CCNB3: variants seen among roughly 807,000 people sequenced by gnomAD.
CCNB3 encodes G2/mitotic-specific cyclin-B3.
A neutral mutation model predicts 68.0 loss-of-function variants in CCNB3; 12 were observed. That is an observed-to-expected ratio of 0.18 (90% CI 0.11 to 0.29). The LOEUF is 0.29. CCNB3 is among the 10% of genes least tolerant of loss of function. CCNB3 has a pLI of 1.00. For synonymous variants in CCNB3, 354 were observed against 388.9 expected, an observed-to-expected ratio of 0.91 and a Z score of 1.06; for missense variants, 904 against 993.1, an observed-to-expected ratio of 0.91 and a Z score of 1.21.
At chrX:50,324,466 G>A (rs1395856583) in intron 8 of CCNB3, among the ~76,000 whole-genome samples, 16 of 111,950 alleles carry the variant, frequency 1.4e-4, no homozygotes, top group Admixed American at 1.3e-3. Flanking sequence ...CTCATTGCGT[G>A]ATGTGTTATC....
intron 8 of CCNB3, among the ~76,000 whole-genome samples, chrX:50,336,019 A>G (rs1922833125): frequency 9.0e-6 from 1 of 111,377 alleles, no homozygotes; most frequent in Non-Finnish European, 1.9e-5. Context: ...CAGGGTGGTC[A>G]CTACTGAATG....
At chrX:50,325,456 GA>G (rs1197946996) in intron 8 of CCNB3, among the ~76,000 whole-genome samples, 1 of 112,264 alleles carries the variant, frequency 8.9e-6, no homozygotes, top group Admixed American at 9.4e-5. Context: ...TTATGCAAAT[GA>G]AAAATTCAAA....
At chrX:50,209,082 C>A (rs1935431016) in intron 1 of CCNB3, among the ~76,000 whole-genome samples, 1 of 110,811 alleles carries the variant, frequency 9.0e-6, no homozygotes, top group Non-Finnish European at 1.9e-5. Context: ...AGTGGAATCC[C>A]TTGTTTTATT....
At chrX:50,305,451 A>G (rs1557213392) in intron 5 of CCNB3, among the ~76,000 whole-genome samples, 1 of 111,042 alleles carries the variant, frequency 9.0e-6, no homozygotes, top group East Asian at 2.8e-4. Flanking sequence ...TGGGAATTGA[A>G]CAATGAAAAC....
At chrX:50,322,140 C>G (rs1302779488) in intron 8 of CCNB3, among the ~76,000 whole-genome samples, 1 of 103,137 alleles carries the variant, frequency 9.7e-6, no homozygotes, top group Non-Finnish European at 2.0e-5. Context: ...AAGAACAAAG[C>G]TGGAGGCATC....
At chrX:50,312,693 C>T (rs1557215244) in intron 7 of CCNB3, 61 bp downstream of exon 7, 13 of 761,819 alleles carry the variant, frequency 1.7e-5, no homozygotes, top group Non-Finnish European at 2.6e-5. Context: ...TCATTCCATC[C>T]TTCAGTGTGC....
chrX:50,296,848 G>A (rs1196740039), intron 5 of CCNB3, among the ~76,000 whole-genome samples: 4 of 106,094 alleles, frequency 3.8e-5, no homozygotes, highest in Non-Finnish European at 5.8e-5. Flanking sequence ...GTATCTCATT[G>A]TGGTTTTGAT....
In CCNB3 at chrX:50,308,808, T is replaced by G. The variant is rs782792209; in HGVS notation, c.639T>G (p.Phe213Leu). The part of the protein sequence containing the change: ...DDAFVIEPMT[F>L]KKTHKTEEAA... Reference sequence around the variant, plus strand: ...CGTTTGTTATAGAGCCAATGACTTTTAAGAAGACACATAAAACTGAGGAGG... The same window carrying G: ...CGTTTGTTATAGAGCCAATGACTTTGAAGAAGACACATAAAACTGAGGAGG... The change falls in exon 6 of 13, where the codon TTT (phenylalanine) becomes TTG (leucine). Residue 213 changes from phenylalanine to leucine, a missense_variant. Around this residue, in one of 2 missense-constraint regions of CCNB3, gnomAD observed 619 missense variants for 609.8 expected, o/e 1.02. Transcript: ENST00000376042. 2 of 1,211,696 alleles carry G rather than the reference T, an allele frequency of 1.7e-6. No homozygotes were observed. Among genetic ancestry groups the G allele is most frequent in the Admixed American group, 4.3e-5 (2 of 46,000 alleles).
chrX:50,320,739 A>G (rs1222745165), intron 8 of CCNB3, among the ~76,000 whole-genome samples: 5 of 110,870 alleles, frequency 4.5e-5, no homozygotes, highest in East Asian at 5.6e-4. Flanking sequence ...GTCTTCAACT[A>G]TAATTGTGGA....
chrX:50,344,061 T>C (rs1923270788), intron 9 of CCNB3, among the ~76,000 whole-genome samples: 1 of 112,201 alleles, frequency 8.9e-6, no homozygotes, highest in South Asian at 3.7e-4. Context: ...TTTAAATCTT[T>C]TATGCTGTAT....
intron 8 of CCNB3, among the ~76,000 whole-genome samples, chrX:50,338,220 C>T (rs942035894): frequency 1.8e-5 from 2 of 112,392 alleles, no homozygotes; most frequent in Non-Finnish European, 3.8e-5. Flanking sequence ...CTTGACCGTC[C>T]ATTAATCACC....
chrX:50,350,248 T>TACACACACACACACACACACAC (rs35500925), intron 11 of CCNB3, among the ~76,000 whole-genome samples: 67 of 95,234 alleles, frequency 7.0e-4, no homozygotes, highest in African/African-American at 2.0e-3. Flanking sequence ...CATACACAAA[T>TACACACACACACACACACACAC]ACACACACAC....
rs35500925 is a variant in CCNB3, at chrX:50,350,248, TACAC to T, written c.3961-961_3961-958del. ...TATGTATGATACACACATACACAAA[TACAC>T]ACACACACACACACACACACACACA... On this transcript the variant is annotated intron_variant, in intron 11 of 12. Transcript: ENST00000376042. Among the ~76,000 whole-genome samples the T allele has an allele frequency of 2.2e-3, 205 of 95,203 alleles. 1 individual carries two copies. Among genetic ancestry groups the T allele is most frequent in the South Asian group, 9.0e-3 (18 of 2,010 alleles). 82.7% of individuals were successfully genotyped at this position (95,203 alleles called of 115,157 possible).
chrX:50,216,563 C>T (rs931603925), intron 1 of CCNB3, among the ~76,000 whole-genome samples: 2 of 111,418 alleles, frequency 1.8e-5, no homozygotes, highest in African/African-American at 3.3e-5. Context: ...CCACTGTGTC[C>T]GGCCTGGGGT....
At chrX:50,344,353 C>G (rs193053966) in intron 9 of CCNB3, among the ~76,000 whole-genome samples, 77 of 112,660 alleles carry the variant, frequency 6.8e-4, no homozygotes, top group African/African-American at 2.2e-3. Context: ...TACATATATA[C>G]ACATGTGCAT....
intron 1 of CCNB3, among the ~76,000 whole-genome samples, chrX:50,226,806 T>C (rs1456672796): frequency 3.9e-5 from 3 of 76,597 alleles, no homozygotes; most frequent in African/African-American, 1.5e-4. Flanking sequence ...AATATATATA[T>C]AGAGTATATA....
intron 3 of CCNB3, among the ~76,000 whole-genome samples, chrX:50,287,963 T>A (rs1350894182): frequency 9.2e-6 from 1 of 108,518 alleles, no homozygotes; most frequent in Non-Finnish European, 1.9e-5. Context: ...TGAACCCTAT[T>A]GTGAACTGCT....
At chrX:50,209,912 A>G (rs1264604387) in intron 1 of CCNB3, among the ~76,000 whole-genome samples, 3 of 111,122 alleles carry the variant, frequency 2.7e-5, no homozygotes, top group Admixed American at 1.9e-4. Context: ...CATTGGATTT[A>G]CTTTTCTCTT....
At chrX:50,312,025 G>GC (rs1464235112) in intron 6 of CCNB3, among the ~76,000 whole-genome samples, 1 of 110,109 alleles carries the variant, frequency 9.1e-6, no homozygotes, top group Admixed American at 9.8e-5. Flanking sequence ...TAAAAAATGG[G>GC]CAAAGTTCAT....
Sources: allele counts gnomAD v4.1 joint callset (sites outside exome capture counted in the v4.1 genomes callset), GRCh38; gene constraint gnomAD v4.1.1; regional missense constraint gnomAD v4.1.1; transcripts MANE v1.5; gene names NCBI Gene and HGNC (gene_info 2026-07-23, HGNC 2026-07-21).